PSIP1: variants seen among roughly 807,000 people sequenced by gnomAD.
The protein encoded by PSIP1 is PC4 and SRSF1 interacting protein 1, also known as PC4 and SFRS1-interacting protein.
Under a neutral mutation model 74.7 loss-of-function variants are expected in PSIP1, and 19 were observed. The observed-to-expected ratio is 0.25, with a 90% CI of 0.18 to 0.37. The LOEUF is 0.37. Ranked by LOEUF, PSIP1 falls within the 10% of genes least tolerant of loss-of-function variation. The pLI is 1.00. For synonymous variants in PSIP1, 222 were observed against 195.3 expected, an observed-to-expected ratio of 1.14 and a Z score of -1.14; for missense variants, 601 against 614.3, an observed-to-expected ratio of 0.98 and a Z score of 0.23.
chr9:15,500,934 G>T (rs2037314379), intron 3 of PSIP1, among the ~76,000 whole-genome samples: 1 of 152,070 alleles, frequency 6.6e-6, no homozygotes, highest in South Asian at 2.1e-4. Flanking sequence ...AGAAGTCTTG[G>T]AAAAATGGGT....
intron 8 of PSIP1, among the ~76,000 whole-genome samples, chr9:15,477,807 T>C (rs1483848686): frequency 1.3e-5 from 2 of 152,108 alleles, no homozygotes; most frequent in Non-Finnish European, 2.9e-5. Flanking sequence ...ATTTTAGCCC[T>C]ATTTTTAAAT....
Position 15,465,331 on chromosome 9 carries a change from C to T in PSIP1, c.*189G>A. 1.9e-6 allele frequency: 1 copy of T among 540,020 alleles called. No individual in the cohort carries two copies. Among genetic ancestry groups the T allele is most frequent in the South Asian group, 2.8e-5 (1 of 35,838 alleles). 33.5% of individuals were successfully genotyped at this position (540,020 alleles called of 1,614,324 possible). On this transcript the variant is annotated 3_prime_UTR_variant, in exon 16 of 16. Coordinates refer to ENST00000380733, the MANE Select transcript of PSIP1 (RefSeq NM_033222.5). Reference sequence around the variant, plus strand: ...ATCCCACATTTACTGTATAATGTAGCTGTTAATACTGCACAAGTACACTTA... The same window carrying T: ...ATCCCACATTTACTGTATAATGTAGTTGTTAATACTGCACAAGTACACTTA...
At chr9:15,479,376 T>G (rs2036238364) in intron 7 of PSIP1, among the ~76,000 whole-genome samples, 1 of 152,132 alleles carries the variant, frequency 6.6e-6, no homozygotes, top group Non-Finnish European at 1.5e-5. Flanking sequence ...TTACCACTAT[T>G]TAGGGAAAAC....
chr9:15,469,690 C>G (rs973125375), intron 11 of PSIP1, among the ~76,000 whole-genome samples: 1 of 152,076 alleles, frequency 6.6e-6, no homozygotes, highest in Admixed American at 6.6e-5. Flanking sequence ...ATCCAGCTTT[C>G]AGCAAGTGTA....
intron 2 of PSIP1, among the ~76,000 whole-genome samples, chr9:15,509,638 G>A (rs1047349368): frequency 3.9e-5 from 6 of 152,150 alleles, no homozygotes; most frequent in Non-Finnish European, 7.4e-5. Context: ...AATCCAGAAG[G>A]CCTCATCAAG....
chr9:15,506,757 G>A (rs1247859902), intron 2 of PSIP1, 120 bp from the exon 3 acceptor site: 1 of 670,094 alleles, frequency 1.5e-6, no homozygotes, highest in East Asian at 2.9e-5. Flanking sequence ...AGTTCTGCAG[G>A]CCCATAATCT....
intron 3 of PSIP1, among the ~76,000 whole-genome samples, chr9:15,504,238 A>C (rs373702795): frequency 6.6e-6 from 1 of 152,232 alleles, no homozygotes; most frequent in Non-Finnish European, 1.5e-5. Flanking sequence ...AATATATCCT[A>C]AATTCTTGAA....
chr9:15,505,033 G>A (rs865902430), intron 3 of PSIP1: 9 of 144,166 alleles, frequency 6.2e-5, no homozygotes, highest in Non-Finnish European at 8.9e-5. Context: ...TTGCCTCCCC[G>A]GCTCAGGTGA....
chr9:15,470,849 A>G (rs942658627), intron 10 of PSIP1: 1 of 1,051,030 alleles, frequency 9.5e-7, no homozygotes, highest in Non-Finnish European at 1.1e-6. Flanking sequence ...GAATTTTTAT[A>G]TTTTCTAGAT....
chr9:15,469,097 C>G, intron 12 of PSIP1, 39 bp from the exon 13 acceptor site: 1 of 1,537,022 alleles, frequency 6.5e-7, no homozygotes, highest in Non-Finnish European at 8.9e-7. Flanking sequence ...TGTTAATTAT[C>G]TTAACACTTA....
At chr9:15,486,090 T>C in intron 5 of PSIP1, 22 bp from the exon 6 acceptor site, 1 of 1,527,208 alleles carries the variant, frequency 6.5e-7, no homozygotes, top group Non-Finnish European at 9.0e-7. Context: ...AAAAGAAAAC[T>C]GAATACTGAA....
chr9:15,509,748 A>G (rs919786398), intron 2 of PSIP1, among the ~76,000 whole-genome samples: 6 of 152,222 alleles, frequency 3.9e-5, no homozygotes, highest in East Asian at 1.9e-4. Context: ...AATTCCATTG[A>G]TATTTTGTAC....
chr9:15,506,750 T>A, intron 2 of PSIP1, 113 bp from the exon 3 acceptor site: 2 of 734,154 alleles, frequency 2.7e-6, no homozygotes, highest in Non-Finnish European at 4.2e-6. Flanking sequence ...ATGGGCCAGT[T>A]CTGCAGGCCC....
intron 3 of PSIP1, 144 bp from the exon 4 acceptor site, chr9:15,490,268 A>T (rs184540926): frequency 2.8e-6 from 2 of 720,922 alleles, no homozygotes; most frequent in Non-Finnish European, 4.1e-6. Context: ...GCAATTAATA[A>T]TTCCAAATAC....
At chr9:15,497,634 T>C (rs1056508148) in intron 3 of PSIP1, among the ~76,000 whole-genome samples, 1 of 152,088 alleles carries the variant, frequency 6.6e-6, no homozygotes, top group African/African-American at 2.4e-5. Context: ...TGATTCCATT[T>C]ATATGAAGTG....
chr9:15,487,936 G>A (rs1182333433), intron 4 of PSIP1, among the ~76,000 whole-genome samples: 2 of 152,172 alleles, frequency 1.3e-5, no homozygotes, highest in African/African-American at 4.8e-5. Flanking sequence ...TGGCCTTGGA[G>A]CAGCAATGAA....
chr9:15,470,911 C>T, intron 10 of PSIP1: 1 of 744,460 alleles, frequency 1.3e-6, no homozygotes, highest in Non-Finnish European at 1.7e-6. Flanking sequence ...CTTTCAAACA[C>T]AAAGCTTCAT....
intron 9 of PSIP1, among the ~76,000 whole-genome samples, chr9:15,473,650 C>A (rs1025017170): frequency 6.6e-6 from 1 of 151,994 alleles, no homozygotes; most frequent in African/African-American, 2.4e-5. Flanking sequence ...CCTGTAATCC[C>A]GGCACTTTGG....
At chr9:15,501,157 G>A (rs1238010038) in intron 3 of PSIP1, among the ~76,000 whole-genome samples, 1 of 151,638 alleles carries the variant, frequency 6.6e-6, no homozygotes, top group Admixed American at 6.6e-5. Flanking sequence ...TTATATAGCA[G>A]GTAAATGGCA....
Sources: allele counts gnomAD v4.1 joint callset (sites outside exome capture counted in the v4.1 genomes callset), GRCh38; gene constraint gnomAD v4.1.1; transcripts MANE v1.5; gene names NCBI Gene and HGNC (gene_info 2026-07-23, HGNC 2026-07-21).